The following CTNNA2 variants were observed in gnomAD, a reference collection of about 807,000 sequenced individuals.
CTNNA2 encodes catenin alpha-2.
CTNNA2 carries 42 observed loss-of-function variants against 101.0 expected under a neutral mutation model. The observed-to-expected ratio is 0.42, with a 90% CI of 0.32 to 0.54. CTNNA2 has a LOEUF of 0.54. CTNNA2 is among the 20% of genes least tolerant of loss of function. The probability of loss-of-function intolerance (pLI) is 0.14; values close to 1 mark genes in which losing one functional copy is unlikely to be tolerated. For missense variants in CTNNA2, 871 were observed against 1,223.1 expected (o/e 0.71, Z 4.29); for synonymous variants, 450 against 456.4 (o/e 0.99, Z 0.18).
At position 79,909,757 on chromosome 2, in the gene CTNNA2, G is replaced by A. The variant is rs2104323183; in HGVS notation, c.1016G>A (p.Arg339Gln). 1.9e-6 allele frequency: 3 copies of A among 1,612,882 alleles called. No homozygotes were observed. Among genetic ancestry groups the A allele is most frequent in the African/African-American group, 1.3e-5 (1 of 75,014 alleles). ...ERIVAECNAV[R>Q]QALQDLLSEY... ...ATCGTGGCGGAGTGCAACGCCGTGC[G>A]GCAGGCGCTCCAGGACCTGCTCAGC... The change falls in exon 7 of 19, where the codon CGG becomes CAG. Residue 339 changes from arginine to glutamine, a missense_variant. Around this residue, in one of 5 missense-constraint regions of CTNNA2, gnomAD observed 647 missense variants for 831.5 expected, o/e 0.78. Transcript: ENST00000402739.
chr2:80,342,872 A>G (rs1461107264), intron 7 of CTNNA2, among the ~76,000 whole-genome samples: 1 of 152,214 alleles, frequency 6.6e-6, no homozygotes, highest in African/African-American at 2.4e-5. Flanking sequence ...ACAGAGGTCC[A>G]AGATCAAGGT....
chr2:80,563,048 C>CAAA lies in CTNNA2; in HGVS notation c.1741+7167_1741+7169dup, dbSNP rs869143884. On this transcript the variant is annotated intron_variant, in intron 12 of 18. Transcript: ENST00000402739. The stretch of plus-strand genomic sequence containing the variant: ...TAGTGCCTGTTTGTCAAAGTACAAC[C>CAAA]AAAAAAAAAAAAAAGAAAGACATGA... 7.4e-3 allele frequency among the ~76,000 whole-genome samples: 489 copies of CAAA among 66,238 alleles called. 5 individuals are homozygous for CAAA. The highest frequency in any genetic ancestry group is 0.023 in the African/African-American group (472 of 20,690). The allele number at this position is 66,238 out of a possible 152,430, so 43.5% of individuals were successfully genotyped here. A position where few individuals can be genotyped will look rare whatever the true frequency, so the allele number is the denominator to read the frequency against.
At chr2:79,610,640 T>A (rs1473337339) in intron 1 of CTNNA2, among the ~76,000 whole-genome samples, 3 of 152,086 alleles carry the variant, frequency 2.0e-5, no homozygotes, top group Non-Finnish European at 4.4e-5. Flanking sequence ...TCCATTCATA[T>A]AAAACTCTGG....
chr2:80,077,312 T>C (rs1210419344), intron 7 of CTNNA2, among the ~76,000 whole-genome samples: 4 of 152,082 alleles, frequency 2.6e-5, no homozygotes, highest in Non-Finnish European at 1.5e-5. Flanking sequence ...TTAGAATGAA[T>C]TATACATTAA....
At chr2:79,201,094 C>A (rs559624290) in intron 2 of CTNNA2, among the ~76,000 whole-genome samples, 5 of 152,178 alleles carry the variant, frequency 3.3e-5, no homozygotes, top group South Asian at 4.2e-4. Flanking sequence ...ATTTCCCCCC[C>A]CCTTTTTTTG....
chr2:80,093,478 TC>T lies in CTNNA2; in HGVS notation c.1056+183682del, dbSNP rs531747617. On this transcript the variant is annotated intron_variant, in intron 7 of 18. Coordinates refer to ENST00000402739, the MANE Select transcript of CTNNA2 (RefSeq NM_001282597.3). ...CGCAATAAACATACGTGTGTATGTG[TC>T]TTTATAGCAGTATGATTTATAATCC... Among the ~76,000 whole-genome samples, 24 of 152,330 alleles carry T rather than the reference TC, an allele frequency of 1.6e-4. No homozygotes were observed. In the East Asian group the frequency reaches 4.4e-3, roughly 28 times the overall value.
chr2:80,473,634 G>C (rs983834882), intron 9 of CTNNA2, among the ~76,000 whole-genome samples: 4 of 152,202 alleles, frequency 2.6e-5, no homozygotes, highest in African/African-American at 9.6e-5. Flanking sequence ...TGGCATGCCT[G>C]AGTTTGCTCA....
intron 1 of CTNNA2, among the ~76,000 whole-genome samples, chr2:79,556,871 A>C (rs1462842818): frequency 5.3e-5 from 8 of 151,992 alleles, no homozygotes; most frequent in Admixed American, 5.3e-4. Context: ...TACTGGTTTT[A>C]AAACATAGGA....
chr2:80,230,056 G>T (rs892712478), intron 7 of CTNNA2, among the ~76,000 whole-genome samples: 1 of 151,998 alleles, frequency 6.6e-6, no homozygotes, highest in African/African-American at 2.4e-5. Flanking sequence ...TGCTAGACAT[G>T]TTTGTAGCCT....
chr2:80,319,591 C>A (rs1020491480), intron 7 of CTNNA2, among the ~76,000 whole-genome samples: 2 of 152,130 alleles, frequency 1.3e-5, no homozygotes, highest in Non-Finnish European at 2.9e-5. Context: ...TCTCTAAGGG[C>A]TGAAAATGAA....
At chr2:79,241,103 C>G (rs1266794464) in intron 2 of CTNNA2, among the ~76,000 whole-genome samples, 1 of 152,184 alleles carries the variant, frequency 6.6e-6, no homozygotes, top group East Asian at 1.9e-4. Context: ...GTTTCACACA[C>G]TGTAAACTAA....
intron 4 of CTNNA2, among the ~76,000 whole-genome samples, chr2:79,469,815 A>G (rs1384692047): frequency 6.6e-6 from 1 of 152,192 alleles, no homozygotes; most frequent in Non-Finnish European, 1.5e-5. Flanking sequence ...AAAGGCCTTC[A>G]ACAAAATTCA....
chr2:80,245,794 CTTTTTTTTTTTTTTT>C (rs34625586), intron 7 of CTNNA2, among the ~76,000 whole-genome samples: 1 of 58,912 alleles, frequency 1.7e-5, no homozygotes, highest in Admixed American at 2.4e-4. Context: ...TATGATTTAA[CTTTTTTTTTTTTTTT>C]TTTTTTTTTT....
chr2:80,520,125 T>G (rs901791489), intron 9 of CTNNA2, among the ~76,000 whole-genome samples: 3 of 152,114 alleles, frequency 2.0e-5, no homozygotes, highest in Admixed American at 6.5e-5. Context: ...AAATTTCAGC[T>G]GAGTCACTTT....
At chr2:79,217,241 A>G (rs1674275746) in intron 2 of CTNNA2, among the ~76,000 whole-genome samples, 1 of 152,162 alleles carries the variant, frequency 6.6e-6, no homozygotes, top group South Asian at 2.1e-4. Flanking sequence ...TTCACGGAGC[A>G]AAGAGCAGGA....
At chr2:80,237,482 A>G (rs1709607561) in intron 7 of CTNNA2, among the ~76,000 whole-genome samples, 1 of 152,106 alleles carries the variant, frequency 6.6e-6, no homozygotes, top group African/African-American at 2.4e-5. Context: ...AGGAAACCTA[A>G]AGACTGACTG....
intron 1 of CTNNA2, among the ~76,000 whole-genome samples, chr2:79,651,190 G>A (rs1681222498): frequency 6.6e-6 from 1 of 152,088 alleles, no homozygotes; most frequent in Non-Finnish European, 1.5e-5. Flanking sequence ...CCCATATTTG[G>A]CTATCTCTAA....
At chr2:80,296,980 A>C (rs963871840) in intron 7 of CTNNA2, among the ~76,000 whole-genome samples, 1 of 152,208 alleles carries the variant, frequency 6.6e-6, no homozygotes, top group South Asian at 2.1e-4. Flanking sequence ...TAACATATGG[A>C]TGTCTCTACT....
At chr2:79,421,433 A>AT (rs1678539671) in intron 4 of CTNNA2, among the ~76,000 whole-genome samples, 1 of 152,198 alleles carries the variant, frequency 6.6e-6, no homozygotes, top group African/African-American at 2.4e-5. Context: ...AATACCATTC[A>AT]TATCCTCCTG....
Sources: gnomAD v4.1 joint callset for allele counts (sites outside exome capture counted in the v4.1 genomes callset) on GRCh38, gnomAD v4.1.1 for gene constraint, gnomAD v4.1.1 regional missense constraint, MANE v1.5 for transcripts, NCBI Gene and HGNC (gene_info 2026-07-23, HGNC 2026-07-21) for gene names.